The following CHN2 variants were observed in gnomAD, a reference collection of about 807,000 sequenced individuals.
CHN2 encodes the protein chimerin 2.
A neutral mutation model predicts 56.3 loss-of-function variants in CHN2; 35 were observed. The ratio of observed to expected loss-of-function variants is 0.62; its 90% CI spans 0.47 to 0.82. The LOEUF is 0.82. Among genes scored for constraint, CHN2 ranks in the 40% least tolerant of loss-of-function variants. CHN2 has a pLI of 0.00. For missense variants in CHN2, 491 were observed against 580.5 expected (o/e 0.85, Z 1.58); for synonymous variants, 210 against 212.8 (o/e 0.99, Z 0.12).
At chr7:29,147,265 A>G in intron 2 of CHN2, 1 of 328,626 alleles carries the variant, frequency 3.0e-6, no homozygotes, top group African/African-American at 2.1e-5. Context: ...CATTATCAGC[A>G]ACAGCAGCGT....
chr7:29,277,284 C>T (rs1232830472), intron 1 of CHN2, among the ~76,000 whole-genome samples: 6 of 152,174 alleles, frequency 3.9e-5, no homozygotes, highest in Admixed American at 3.9e-4. Flanking sequence ...CTCTAGGGGC[C>T]AGATTGTCTG....
chr7:29,302,766 C>A (rs565965414), intron 1 of CHN2, among the ~76,000 whole-genome samples: 1 of 152,128 alleles, frequency 6.6e-6, no homozygotes, highest in Non-Finnish European at 1.5e-5. Context: ...CTCTATTCTC[C>A]TCCCCTCTCC....
intron 1 of CHN2, among the ~76,000 whole-genome samples, chr7:29,300,722 A>T (rs1019423696): frequency 1.2e-4 from 18 of 152,248 alleles, no homozygotes; most frequent in African/African-American, 4.3e-4. Context: ...TTAGCAGGTG[A>T]TTATTTGAAT....
chr7:29,310,463 A>C (rs6947035), intron 1 of CHN2, among the ~76,000 whole-genome samples: 15,863 of 152,316 alleles, frequency 0.1, 867 homozygotes, highest in East Asian at 0.21. Context: ...TGCTTAGTTC[A>C]GTAAATGGGA....
At chr7:29,310,637 A>G (rs950037187) in intron 1 of CHN2, among the ~76,000 whole-genome samples, 1 of 152,264 alleles carries the variant, frequency 6.6e-6, no homozygotes, top group Non-Finnish European at 1.5e-5. Context: ...AAAACATCAC[A>G]GAGTGGGTGG....
chr7:29,463,027 C>T (rs773628059), intron 6 of CHN2, among the ~76,000 whole-genome samples: 3 of 150,684 alleles, frequency 2.0e-5, no homozygotes, highest in Admixed American at 6.7e-5. Context: ...AGTTTTACAG[C>T]CATTTAGAAA....
At chr7:29,398,064 G>A (rs1009465408) in intron 4 of CHN2, 6 of 225,454 alleles carry the variant, frequency 2.7e-5, no homozygotes, top group Middle Eastern at 1.5e-3. Flanking sequence ...AAAAAGGGGG[G>A]GGGGGGGCGG....
intron 1 of CHN2, among the ~76,000 whole-genome samples, chr7:29,294,076 G>A (rs12534516): frequency 2.0e-5 from 3 of 151,520 alleles, no homozygotes; most frequent in Admixed American, 2.0e-4. Context: ...CCGTGTTAGC[G>A]AGGATGGTCT....
At chr7:29,280,908 G>T (rs571058506) in intron 1 of CHN2, among the ~76,000 whole-genome samples, 1 of 152,066 alleles carries the variant, frequency 6.6e-6, no homozygotes, top group Non-Finnish European at 1.5e-5. Flanking sequence ...ACCAGGCCTG[G>T]CCAACATGGA....
At chr7:29,206,559 T>A (rs188325138) in intron 1 of CHN2, among the ~76,000 whole-genome samples, 249 of 152,282 alleles carry the variant, frequency 1.6e-3, no homozygotes, top group African/African-American at 5.7e-3. Flanking sequence ...GGATTACAAG[T>A]GTGAGCCACC....
At chr7:29,391,587 A>G (rs1490084486) in intron 3 of CHN2, among the ~76,000 whole-genome samples, 1 of 152,212 alleles carries the variant, frequency 6.6e-6, no homozygotes, top group Non-Finnish European at 1.5e-5. Context: ...CATTTTCAGA[A>G]GATTTGTCCC....
rs372201838 is a variant in CHN2 at position 29,218,883 on chromosome 7, G to A, written c.49+23893G>A. On this transcript the variant is annotated intron_variant, in intron 1 of 12. Coordinates refer to ENST00000222792, the MANE Select transcript of CHN2 (RefSeq NM_004067.4). Reference sequence around the variant, plus strand: ...ACGAGTTAATGGGTGCAGCACACCAGCATGGCACATGTATACATATGTAAC... The same window carrying A: ...ACGAGTTAATGGGTGCAGCACACCAACATGGCACATGTATACATATGTAAC... Among the ~76,000 whole-genome samples, 4 of 151,450 alleles carry A rather than the reference G, an allele frequency of 2.6e-5. No homozygotes were observed. The East Asian group carries it at 5.8e-4, about 22-fold the overall frequency.
intron 1 of CHN2, among the ~76,000 whole-genome samples, chr7:29,354,076 C>T (rs775231594): frequency 6.6e-6 from 1 of 152,198 alleles, no homozygotes; most frequent in Non-Finnish European, 1.5e-5. Flanking sequence ...TTTTCTAAGT[C>T]ACACGTTGGA....
chr7:29,295,742 T>C (rs17157725), intron 1 of CHN2, among the ~76,000 whole-genome samples: 7,954 of 152,320 alleles, frequency 0.052, 284 homozygotes, highest in African/African-American at 0.094. Context: ...TATTTGTTAG[T>C]AAGAGCAGGC....
chr7:29,444,279 A>G (rs1284297669), intron 6 of CHN2, among the ~76,000 whole-genome samples: 1 of 152,252 alleles, frequency 6.6e-6, no homozygotes, highest in Non-Finnish European at 1.5e-5. Flanking sequence ...CATTTCAGTT[A>G]TCTATGGCTG....
intron 2 of CHN2, among the ~76,000 whole-genome samples, chr7:29,147,793 C>A (rs1792966991): frequency 6.6e-6 from 1 of 152,150 alleles, no homozygotes; most frequent in African/African-American, 2.4e-5. Context: ...AGGCCAGATA[C>A]CTAAATATTT....
intron 9 of CHN2, among the ~76,000 whole-genome samples, chr7:29,503,261 A>C (rs1047359050): frequency 2.6e-5 from 4 of 152,188 alleles, no homozygotes; most frequent in Admixed American, 1.3e-4. Context: ...CTCTCCATGC[A>C]CATATACCAA....
At chr7:29,256,571 A>G (rs1466300291) in intron 1 of CHN2, among the ~76,000 whole-genome samples, 1 of 152,174 alleles carries the variant, frequency 6.6e-6, no homozygotes, top group Non-Finnish European at 1.5e-5. Flanking sequence ...AAGTGGTGGA[A>G]GCTGGGTGGA....
intron 1 of CHN2, among the ~76,000 whole-genome samples, chr7:29,249,431 G>C (rs1788316927): frequency 6.6e-6 from 1 of 152,198 alleles, no homozygotes; most frequent in Non-Finnish European, 1.5e-5. Context: ...TGGTTGGATG[G>C]TGCCTGCCCA....
Sources: allele counts gnomAD v4.1 joint callset (sites outside exome capture counted in the v4.1 genomes callset), GRCh38; gene constraint gnomAD v4.1.1; transcripts MANE v1.5; gene names NCBI Gene and HGNC (gene_info 2026-07-23, HGNC 2026-07-21).